The following ZNF248 variants were observed in gnomAD, a reference collection of about 807,000 sequenced individuals.
ZNF248 encodes zinc finger protein 248.
Under a neutral mutation model 44.3 loss-of-function variants are expected in ZNF248, and 20 were observed. The observed-to-expected ratio is 0.45, with a 90% CI of 0.32 to 0.66. The LOEUF is 0.66. Ranked by LOEUF, ZNF248 falls within the 30% of genes least tolerant of loss-of-function variation. The probability of loss-of-function intolerance (pLI) is 0.04; values close to 1 mark genes in which losing one functional copy is unlikely to be tolerated. For missense variants in ZNF248, 654 were observed against 677.0 expected, an observed-to-expected ratio of 0.97 and a Z score of 0.38; for synonymous variants, 224 against 229.0, an observed-to-expected ratio of 0.98 and a Z score of 0.20.
chr10:37,788,223 C>A (rs1246768239), intron 6 of ZNF248, among the ~76,000 whole-genome samples: 1 of 149,320 alleles, frequency 6.7e-6, no homozygotes, highest in East Asian at 2.0e-4. Context: ...CAAGATCGTG[C>A]CGCTGCACCC....
the ZNF248 span, among the ~76,000 whole-genome samples, chr10:37,769,231 C>T: frequency 6.6e-6 from 1 of 152,090 alleles, no homozygotes; most frequent in African/African-American, 2.4e-5. Flanking sequence ...GAAACTATTC[C>T]AATCAATAGA....
chr10:37,836,575 T>C (rs1022560013), intron 5 of ZNF248, among the ~76,000 whole-genome samples: 1 of 152,110 alleles, frequency 6.6e-6, no homozygotes, highest in South Asian at 2.1e-4. Flanking sequence ...TATTAAAGCC[T>C]CATCTCTAAT....
chr10:37,779,953 T>G (rs1425257352), intron 6 of ZNF248, among the ~76,000 whole-genome samples: 1 of 150,826 alleles, frequency 6.6e-6, no homozygotes, highest in Non-Finnish European at 1.5e-5. Flanking sequence ...GAATCCACCT[T>G]ACAAGGGATG....
chr10:37,806,554 A>T, intron 6 of ZNF248, among the ~76,000 whole-genome samples: 5 of 149,694 alleles, frequency 3.3e-5, no homozygotes, highest in Admixed American at 1.3e-4. Context: ...TTTAATGTCT[A>T]CTCAAGTCCT....
In ZNF248 at chr10:37,832,109, C is replaced by T. The variant is rs2055834033; in HGVS notation, c.1246G>A (p.Ala416Thr). The T allele has an allele frequency of 6.2e-7, 1 of 1,612,724 alleles. No individual in the cohort carries two copies. Among genetic ancestry groups the T allele is most frequent in the East Asian group, 2.2e-5 (1 of 44,798 alleles). Residue 416 changes from alanine to threonine, a missense_variant, in exon 6 of 6, where the codon GCC becomes ACC. Ala to Thr is a moderately conservative substitution (Grantham distance 58). Coordinates refer to ENST00000395867, the MANE Select transcript of ZNF248 (RefSeq NM_021045.3). ...KPYECTECGK[A>T]FCQKPHLTNH... ...GTCAGGTGTGGTTTCTGGCAAAAGG[C>T]TTTCCCACATTCAGTACATTCATAG...
chr10:37,806,171 G>T (rs1433671295), intron 6 of ZNF248, among the ~76,000 whole-genome samples: 1 of 152,102 alleles, frequency 6.6e-6, no homozygotes, highest in East Asian at 1.9e-4. Context: ...CATAAACATG[G>T]GTGTGAAAAT....
intron 3 of ZNF248, among the ~76,000 whole-genome samples, chr10:37,842,984 T>C (rs1169237642): frequency 6.6e-6 from 1 of 152,114 alleles, no homozygotes; most frequent in African/African-American, 2.4e-5. Context: ...CCTGGCTAAA[T>C]GTTAAAGAGT....
intron 3 of ZNF248, among the ~76,000 whole-genome samples, chr10:37,848,454 G>C (rs1199390012): frequency 1.4e-5 from 2 of 148,114 alleles, no homozygotes; most frequent in Non-Finnish European, 3.0e-5. Flanking sequence ...ATGGTGGCCA[G>C]TGCCTGTAAT....
In ZNF248 at chr10:37,829,779, AAGG is replaced by A; in HGVS notation, c.*1833_*1835del. On this transcript the variant is annotated 3_prime_UTR_variant, in exon 6 of 6. Coordinates refer to ENST00000395867, the MANE Select transcript of ZNF248 (RefSeq NM_021045.3). Reference sequence around the variant, plus strand: ...TCTCATGTCATGACAATGTTGTATCAAGGAGATCTTTCCCAGAAGTACTACACA... The same window carrying A: ...TCTCATGTCATGACAATGTTGTATCAAGATCTTTCCCAGAAGTACTACACA... 3 of 985,430 alleles carry A rather than the reference AAGG, an allele frequency of 3.0e-6. No homozygotes were observed. Among genetic ancestry groups the A allele is most frequent in the South Asian group, 4.7e-5 (1 of 21,286 alleles). The allele number at this position is 985,430 out of a possible 1,614,324, so 61.0% of individuals were successfully genotyped here.
At chr10:37,785,853 C>A (rs2047822496) in intron 6 of ZNF248, among the ~76,000 whole-genome samples, 1 of 152,176 alleles carries the variant, frequency 6.6e-6, no homozygotes, top group African/African-American at 2.4e-5. Context: ...TTGGTTGGAA[C>A]AGGATTGGAA....
chr10:37,823,508 AG>A (rs1173321211), intron 6 of ZNF248, among the ~76,000 whole-genome samples: 1 of 152,060 alleles, frequency 6.6e-6, no homozygotes, highest in South Asian at 2.1e-4. Flanking sequence ...TGAAATAATG[AG>A]GGGGGTCAAG....
At chr10:37,760,912 A>G in the ZNF248 span, among the ~76,000 whole-genome samples, 1 of 152,206 alleles carries the variant, frequency 6.6e-6, no homozygotes, top group Non-Finnish European at 1.5e-5. Context: ...TCAGTGAAAC[A>G]AATGTCAGAA....
Position 37,829,586 on chromosome 10 carries a change from A to G in ZNF248, c.*2029T>C, listed in dbSNP as rs2055069481. 7 of 985,278 alleles carry G rather than the reference A, an allele frequency of 7.1e-6. No homozygotes were observed. Among genetic ancestry groups the G allele is most frequent in the Non-Finnish European group, 8.4e-6 (7 of 829,940 alleles). 61.0% of individuals were successfully genotyped at this position (985,278 alleles called of 1,614,324 possible). ...AAAAAACAGTTATTGAGGGTTATAA[A>G]AAGTCCCAGTAGAGAACAGGTATAG... On this transcript the variant is annotated 3_prime_UTR_variant, in exon 6 of 6. Transcript: ENST00000395867.
intron 3 of ZNF248, among the ~76,000 whole-genome samples, chr10:37,839,441 T>C (rs566277144): frequency 5.3e-5 from 8 of 151,502 alleles, no homozygotes; most frequent in African/African-American, 1.9e-4. Flanking sequence ...ATATGCTGAG[T>C]CATCCTAGGA....
intron 6 of ZNF248, among the ~76,000 whole-genome samples, chr10:37,786,533 G>A (rs551567365): frequency 1.3e-5 from 2 of 152,212 alleles, no homozygotes; most frequent in East Asian, 3.9e-4. Context: ...ACTATATAAT[G>A]CAAATAATTA....
chr10:37,830,484 C>G lies in ZNF248; in HGVS notation c.*1131G>C. 1.0e-6 allele frequency: 1 copy of G among 985,422 alleles called. No individual in the cohort carries two copies. The highest frequency in any genetic ancestry group is 1.2e-6 in the Non-Finnish European group (1 of 829,934). The allele number at this position is 985,422 out of a possible 1,614,324, so 61.0% of individuals were successfully genotyped here. On this transcript the variant is annotated 3_prime_UTR_variant, in exon 6 of 6. Transcript: ENST00000395867. The stretch of plus-strand genomic sequence containing the variant: ...CAGATTCAGAGGTAGTTAAAAACCT[C>G]ACGGAAATATTTTTGGCTTCTTTCT...
chr10:37,848,210 T>C (rs2059645037), intron 3 of ZNF248, among the ~76,000 whole-genome samples: 2 of 151,200 alleles, frequency 1.3e-5, no homozygotes, highest in African/African-American at 2.4e-5. Context: ...GAGGAGGAAG[T>C]TGCAGAGAGT....
At chr10:37,856,068 TAC>T (rs1021718188) in intron 3 of ZNF248, among the ~76,000 whole-genome samples, 3 of 152,232 alleles carry the variant, frequency 2.0e-5, no homozygotes, top group African/African-American at 7.2e-5. Context: ...TCAGAATTGT[TAC>T]TAGAACAATT....
rs111757851 is a variant in ZNF248, at chr10:37,819,345, T to C, written c.330+13680A>G. 12 of 1,169,186 alleles carry C rather than the reference T, an allele frequency of 1.0e-5. No individual in the cohort carries two copies. In the Admixed American group the frequency reaches 1.7e-4, roughly 16 times the overall value. The allele number at this position is 1,169,186 out of a possible 1,614,324, so 72.4% of individuals were successfully genotyped here. A position where few individuals can be genotyped will look rare whatever the true frequency, so the allele number is the denominator to read the frequency against. On this transcript the variant is annotated intron_variant, in intron 6 of 6. Coordinates refer to the ZNF248 transcript ENST00000615949. ...GAAAAGTAATCATACAGCTTAATTA[T>C]TCTGGGATGATCCAGTTCTTTATGA...
Sources: allele counts gnomAD v4.1 joint callset (sites outside exome capture counted in the v4.1 genomes callset), GRCh38; gene constraint gnomAD v4.1.1; transcripts MANE v1.5; gene names NCBI Gene and HGNC (gene_info 2026-07-23, HGNC 2026-07-21).